The following MYO6 variants were observed in gnomAD, a reference collection of about 807,000 sequenced individuals.
MYO6 encodes myosin VI, also known as unconventional myosin-VI.
MYO6 carries 74 observed loss-of-function variants against 178.7 expected under a neutral mutation model. The ratio of observed to expected loss-of-function variants is 0.41; its 90% CI spans 0.34 to 0.50. The LOEUF (loss-of-function observed/expected upper bound fraction) is 0.50, where lower values mean the gene tolerates loss of function less well. Ranked by LOEUF, MYO6 falls within the 20% of genes least tolerant of loss-of-function variation. The pLI, the probability that MYO6 is intolerant of heterozygous loss-of-function variation, is 0.09. For missense variants in MYO6, 1,330 were observed against 1,547.4 expected, an observed-to-expected ratio of 0.86 and a Z score of 2.36; for synonymous variants, 477 against 504.6, an observed-to-expected ratio of 0.95 and a Z score of 0.73.
intron 29 of MYO6, among the ~76,000 whole-genome samples, chr6:75,897,500 TCTA>T (rs1314587508): frequency 6.6e-6 from 1 of 152,168 alleles, no homozygotes; most frequent in East Asian, 1.9e-4. Flanking sequence ...ACAGGAGTGT[TCTA>T]CTCCTTTAGT....
intron 10 of MYO6, among the ~76,000 whole-genome samples, chr6:75,846,370 C>T (rs142634683): frequency 3.2e-4 from 48 of 151,548 alleles, no homozygotes; most frequent in Non-Finnish European, 5.9e-4. Context: ...TTTGTAAGCC[C>T]GATATTTTTT....
At chr6:75,894,639 T>A (rs1779150379) in intron 28 of MYO6, among the ~76,000 whole-genome samples, 1 of 152,242 alleles carries the variant, frequency 6.6e-6, no homozygotes, top group African/African-American at 2.4e-5. Context: ...TGTTTTTGAA[T>A]GTTTATTTTA....
At chr6:75,892,479 C>A in intron 27 of MYO6, 51 bp from the exon 28 acceptor site, 2 of 1,611,496 alleles carry the variant, frequency 1.2e-6, no homozygotes, top group South Asian at 2.2e-5. Flanking sequence ...GGGGAGTGAT[C>A]AAGTAAACAA....
At chr6:75,903,426 T>G (rs1168478953) in intron 30 of MYO6, among the ~76,000 whole-genome samples, 1 of 151,374 alleles carries the variant, frequency 6.6e-6, no homozygotes, top group African/African-American at 2.4e-5. Flanking sequence ...TGGGTGCATA[T>G]ATATTTAGGA....
In MYO6 at chr6:75,794,751, A is replaced by C. The variant is rs139908077; in HGVS notation, c.-47-22750A>C. ...ATAAGCAAAAAAAATAAAAAAAATA[A>C]AAAAAAAAATAAAATGTGCTCTTTT... is the stretch of plus-strand genomic sequence containing the variant. On this transcript the variant is annotated intron_variant, in intron 1 of 34. Transcript: ENST00000369977. 5.1e-4 allele frequency among the ~76,000 whole-genome samples: 43 copies of C among 83,946 alleles called. 1 individual carries two copies. The East Asian group carries it at 0.019, about 36-fold the overall frequency. 55.1% of individuals were successfully genotyped at this position (83,946 alleles called of 152,430 possible). A position where few individuals can be genotyped will look rare whatever the true frequency, so the allele number is the denominator to read the frequency against.
At chr6:75,762,587 G>A (rs777085474) in intron 1 of MYO6, among the ~76,000 whole-genome samples, 19 of 152,128 alleles carry the variant, frequency 1.2e-4, no homozygotes, top group Non-Finnish European at 2.2e-4. Flanking sequence ...TGACATTCGT[G>A]CATCTATGCC....
At chr6:75,763,726 G>A (rs1238594748) in intron 1 of MYO6, among the ~76,000 whole-genome samples, 1 of 152,092 alleles carries the variant, frequency 6.6e-6, no homozygotes, top group Non-Finnish European at 1.5e-5. Flanking sequence ...AATTCATTAG[G>A]TAAATGCTAG....
intron 11 of MYO6, among the ~76,000 whole-genome samples, chr6:75,849,603 G>GA (rs557591742): frequency 2.0e-5 from 3 of 151,798 alleles, no homozygotes; most frequent in Admixed American, 6.6e-5. Flanking sequence ...GGGACCAAGA[G>GA]AAAAAAAAGC....
chr6:75,866,401 AATTGT>A, intron 16 of MYO6, 120 bp from the exon 17 acceptor site: 1 of 724,736 alleles, frequency 1.4e-6, no homozygotes, highest in Non-Finnish European at 2.4e-6. Flanking sequence ...AAAGCAGTAT[AATTGT>A]GAAAAGTGTG....
At chr6:75,826,827 C>G (rs551280018) in intron 3 of MYO6, among the ~76,000 whole-genome samples, 7 of 152,054 alleles carry the variant, frequency 4.6e-5, no homozygotes, top group African/African-American at 1.7e-4. Flanking sequence ...GCAGGAGAAT[C>G]GCTTGAACCC....
intron 30 of MYO6, among the ~76,000 whole-genome samples, chr6:75,902,454 G>C (rs1398915162): frequency 6.6e-6 from 1 of 152,186 alleles, no homozygotes; most frequent in Non-Finnish European, 1.5e-5. Flanking sequence ...TTAGTGTTGG[G>C]AGAGTGTATG....
In MYO6 at chr6:75,915,445, C is replaced by G. The variant is rs1361242435; in HGVS notation, c.*433C>G. 1 of 179,750 alleles carries G rather than the reference C, an allele frequency of 5.6e-6. No individual in the cohort carries two copies. Among genetic ancestry groups the G allele is most frequent in the African/African-American group, 2.4e-5 (1 of 42,024 alleles). 11.1% of individuals were successfully genotyped at this position (179,750 alleles called of 1,614,324 possible). On this transcript the variant is annotated 3_prime_UTR_variant, in exon 35 of 35. Transcript: ENST00000369977. The stretch of plus-strand genomic sequence containing the variant: ...CAATAACTAAACCACTTAAAATGAT[C>G]AAGGCACTAATGTTTTGGTCTGAAA...
intron 12 of MYO6, 49 bp downstream of exon 12, chr6:75,855,332 T>A (rs771066426): frequency 1.6e-5 from 25 of 1,584,526 alleles, no homozygotes; most frequent in Admixed American, 5.1e-5. Context: ...TTGCAGTTTG[T>A]CAAGGAAAAA....
intron 22 of MYO6, among the ~76,000 whole-genome samples, chr6:75,881,423 T>TCC (rs36036090): frequency 2.1e-3 from 257 of 120,380 alleles, no homozygotes; most frequent in Non-Finnish European, 3.1e-3. Context: ...TTAAAAGTCA[T>TCC]CCCCCCCCCC....
At chr6:75,771,747 G>T (rs185857759) in intron 1 of MYO6, among the ~76,000 whole-genome samples, 7 of 152,276 alleles carry the variant, frequency 4.6e-5, no homozygotes, top group Admixed American at 2.6e-4. Context: ...CTGTGCTACA[G>T]CTTAAACCAT....
In MYO6 at chr6:75,761,315, G is replaced by A. The variant is rs556949443; in HGVS notation, c.-48+11892G>A. Among the ~76,000 whole-genome samples the A allele has an allele frequency of 3.3e-5, 5 of 152,184 alleles. No homozygotes were observed. The South Asian group carries it at 1.0e-3, about 32-fold the overall frequency. On this transcript the variant is annotated intron_variant, in intron 1 of 34. Coordinates refer to ENST00000369977, the MANE Select transcript of MYO6 (RefSeq NM_004999.4). The stretch of plus-strand genomic sequence containing the variant: ...TAAAGGTTTTCTTTCAGGTATGGGA[G>A]GAGGGAAAAGAAGGATGGAAATTGA...
intron 16 of MYO6, 151 bp from the exon 17 acceptor site, chr6:75,866,375 G>A (rs565083755): frequency 3.9e-5 from 22 of 568,534 alleles, no homozygotes; most frequent in South Asian, 1.1e-4. Context: ...ATACTTTAAG[G>A]CATACTCAAT....
intron 30 of MYO6, among the ~76,000 whole-genome samples, chr6:75,901,081 G>T (rs1354297396): frequency 6.6e-6 from 1 of 152,098 alleles, no homozygotes; most frequent in Admixed American, 6.6e-5. Flanking sequence ...CTGTTCTGTT[G>T]CATTGATCTA....
At position 75,809,407 on chromosome 6, in the gene MYO6, A is replaced by T. The variant is rs6925033; in HGVS notation, c.-47-8094A>T. Among the ~76,000 whole-genome samples, 254 of 152,328 alleles carry T rather than the reference A, an allele frequency of 1.7e-3. 1 individual carries two copies. The highest frequency in any genetic ancestry group is 6.0e-3 in the African/African-American group (248 of 41,576). Reference sequence around the variant, plus strand: ...TGCTGAAGGCAGGTCAAGGACTTAGAGTGTTAATGGAAAAAGCAAACTGTA... The same window carrying T: ...TGCTGAAGGCAGGTCAAGGACTTAGTGTGTTAATGGAAAAAGCAAACTGTA... On this transcript the variant is annotated intron_variant, in intron 1 of 34. Transcript: ENST00000369977.
Sources: allele counts gnomAD v4.1 joint callset (sites outside exome capture counted in the v4.1 genomes callset), GRCh38; gene constraint gnomAD v4.1.1; transcripts MANE v1.5; gene names NCBI Gene and HGNC (gene_info 2026-07-23, HGNC 2026-07-21).